Variants in WASHC2A observed in about 807,000 individuals in gnomAD.
The protein encoded by WASHC2A is WASH complex subunit 2A, also known as WASH complex subunit FAM21A.
In WASHC2A, 82 loss-of-function variants were observed where a neutral mutation model predicts 140.3. The observed-to-expected ratio is 0.58, with a 90% CI of 0.49 to 0.70. The LOEUF is 0.70. Among genes scored for constraint, WASHC2A ranks in the 30% least tolerant of loss-of-function variants. The pLI is 0.00. For synonymous variants in WASHC2A, 340 were observed against 560.8 expected, an observed-to-expected ratio of 0.61 and a Z score of 5.56; for missense variants, 985 against 1,521.8, an observed-to-expected ratio of 0.65 and a Z score of 5.87.
chr10:50,111,261 G>A lies in WASHC2A; in HGVS notation c.2039+991G>A, dbSNP rs560704752. Among the ~76,000 whole-genome samples, 65 of 137,878 alleles carry A rather than the reference G, an allele frequency of 4.7e-4. 3 individuals carry two copies. Among genetic ancestry groups the A allele is most frequent in the African/African-American group, 1.6e-3 (62 of 39,770 alleles). The allele number at this position is 137,878 out of a possible 152,430, so 90.5% of individuals were successfully genotyped here. On this transcript the variant is annotated intron_variant, in intron 20 of 30. Transcript: ENST00000282633. ...ATCCTATGCTTTGGTGTGGTTAAGCGTCATTTGATAGATTCAGAAGTACGT... is the reference window on the plus strand; with the variant it reads ...ATCCTATGCTTTGGTGTGGTTAAGCATCATTTGATAGATTCAGAAGTACGT...
At chr10:50,103,706 G>A (rs1475702620) in intron 17 of WASHC2A, among the ~76,000 whole-genome samples, 1,745 of 152,312 alleles carry the variant, frequency 0.011, 36 homozygotes, top group African/African-American at 0.04. Flanking sequence ...GTAATGGGAA[G>A]CCATGCTTAT....
chr10:50,076,588 A>C (rs1209749132), intron 3 of WASHC2A, among the ~76,000 whole-genome samples: 2 of 151,502 alleles, frequency 1.3e-5, no homozygotes, highest in Non-Finnish European at 1.5e-5. Context: ...GGAATTCTAC[A>C]CATTTGTGCA....
At chr10:50,124,077 A>G (rs1843210795) in intron 23 of WASHC2A, among the ~76,000 whole-genome samples, 1 of 151,520 alleles carries the variant, frequency 6.6e-6, no homozygotes, top group South Asian at 2.1e-4. Flanking sequence ...TAAGTTTTTC[A>G]TTAGTTTTTT....
At chr10:50,111,663 T>C (rs1359123109) in intron 20 of WASHC2A, among the ~76,000 whole-genome samples, 1 of 152,216 alleles carries the variant, frequency 6.6e-6, no homozygotes, top group Admixed American at 6.5e-5. Context: ...TTTGTTGCTC[T>C]CTCCTGGGAC....
chr10:50,094,589 C>T (rs1313535978), intron 13 of WASHC2A, among the ~76,000 whole-genome samples: 3 of 152,244 alleles, frequency 2.0e-5, no homozygotes, highest in East Asian at 1.9e-4. Flanking sequence ...CCGAGTCTCC[C>T]GGGCACAGGC....
chr10:50,105,316 C>T (rs1554888161), intron 18 of WASHC2A, among the ~76,000 whole-genome samples: 1 of 150,020 alleles, frequency 6.7e-6, no homozygotes, highest in African/African-American at 2.5e-5. Context: ...CCATCAGACC[C>T]CTGGGTTCAT....
At chr10:50,100,760 T>C in intron 17 of WASHC2A, among the ~76,000 whole-genome samples, 1 of 152,264 alleles carries the variant, frequency 6.6e-6, no homozygotes, top group Admixed American at 6.5e-5. Context: ...GGCATAGCCA[T>C]CTGTCTTGTC....
chr10:50,101,811 G>C (rs1841213510), intron 17 of WASHC2A, among the ~76,000 whole-genome samples: 1 of 146,124 alleles, frequency 6.8e-6, no homozygotes, highest in South Asian at 2.2e-4. Context: ...AGGTGGCTGG[G>C]CTGAGGATCA....
chr10:50,126,222 C>T (rs1843416841), intron 26 of WASHC2A, 43 bp downstream of exon 26: 4 of 1,611,912 alleles, frequency 2.5e-6, no homozygotes, highest in South Asian at 1.1e-5. Context: ...TGTTTGCATC[C>T]CAGTACAGAG....
chr10:50,091,682 A>G (rs1554882862), intron 10 of WASHC2A, among the ~76,000 whole-genome samples, 164 bp downstream of exon 10: 2 of 152,154 alleles, frequency 1.3e-5, no homozygotes, highest in African/African-American at 4.8e-5. Flanking sequence ...TTTTTGGTTA[A>G]TGAGCTCCTT....
chr10:50,070,827 C>T (rs1554875930), intron 3 of WASHC2A, among the ~76,000 whole-genome samples: 2 of 121,062 alleles, frequency 1.7e-5, no homozygotes, highest in African/African-American at 3.1e-5. Context: ...GTTGGGAGTT[C>T]GAGACCAGCC....
At chr10:50,124,269 G>A (rs1211698809) in intron 23 of WASHC2A, among the ~76,000 whole-genome samples, 43,269 of 149,528 alleles carry the variant, frequency 0.29, 6,912 homozygotes, top group Middle Eastern at 0.41. Context: ...ACACCCGGCT[G>A]ATCTTTGTAT....
At chr10:50,086,584 A>T (rs1316531497) in intron 7 of WASHC2A, among the ~76,000 whole-genome samples, 1 of 130,654 alleles carries the variant, frequency 7.7e-6, no homozygotes, top group Non-Finnish European at 1.6e-5. Context: ...TCCCAATGCT[A>T]TCCCTCCCCC....
intron 16 of WASHC2A, among the ~76,000 whole-genome samples, chr10:50,098,769 T>C (rs1385340919): frequency 2.0e-5 from 3 of 147,158 alleles, no homozygotes; most frequent in African/African-American, 7.6e-5. Context: ...TTGTAGAATG[T>C]GTCTCGTGAA....
chr10:50,098,959 G>C (rs1233507336), intron 16 of WASHC2A, among the ~76,000 whole-genome samples: 1 of 151,036 alleles, frequency 6.6e-6, no homozygotes, highest in Non-Finnish European at 1.5e-5. Flanking sequence ...TGCTTCATTG[G>C]AAAGGTACCC....
chr10:50,099,195 G>A (rs1840807407), intron 16 of WASHC2A, among the ~76,000 whole-genome samples: 1 of 151,260 alleles, frequency 6.6e-6, no homozygotes, highest in African/African-American at 2.4e-5. Context: ...CTCCTTCCCC[G>A]ATTTTTAGTA....
intron 20 of WASHC2A, among the ~76,000 whole-genome samples, chr10:50,110,821 A>G (rs1842220312): frequency 7.6e-6 from 1 of 130,958 alleles, no homozygotes; most frequent in Non-Finnish European, 1.6e-5. Context: ...TGAACTTGGG[A>G]GGTGGAGGTT....
intron 3 of WASHC2A, among the ~76,000 whole-genome samples, chr10:50,077,123 A>G (rs1470569734): frequency 1.3e-5 from 2 of 151,500 alleles, no homozygotes; most frequent in Non-Finnish European, 2.9e-5. Context: ...TCTCAAAAAA[A>G]AAAAAAAAGG....
At chr10:50,128,658 CT>C (rs1216833520) in intron 28 of WASHC2A, among the ~76,000 whole-genome samples, 51 of 151,972 alleles carry the variant, frequency 3.4e-4, no homozygotes, top group African/African-American at 1.2e-3. Context: ...TTTTCATTGG[CT>C]TTTTTTTAGT....
Sources: gnomAD v4.1 joint callset for allele counts (sites outside exome capture counted in the v4.1 genomes callset) on GRCh38, gnomAD v4.1.1 for gene constraint, MANE v1.5 for transcripts, NCBI Gene and HGNC (gene_info 2026-07-23, HGNC 2026-07-21) for gene names.